Variants in FLG observed in about 807,000 individuals in gnomAD.
FLG encodes filaggrin.
Under a neutral mutation model 3.8 loss-of-function variants are expected in FLG, and 6 were observed. That is an observed-to-expected ratio of 1.60 (90% confidence interval 0.87 to 3.15). The LOEUF is 3.15. FLG is among the 30% of genes most tolerant of loss of function. The pLI is 0.00. For synonymous variants in FLG, 2,551 were observed against 1,931.6 expected (o/e 1.32, Z -8.41); for missense variants, 7,595 against 5,050.9 (o/e 1.50, Z -15.27).
rs753010413 is a variant in FLG at position 152,313,761 on chromosome 1, C to G, written c.1125G>C (p.Gln375His). 1.2e-6 allele frequency: 2 copies of G among 1,614,064 alleles called. No homozygotes were observed. The highest frequency in any genetic ancestry group is 1.1e-5 in the South Asian group (1 of 91,082). The change falls in exon 3 of 3, where the codon CAG (glutamine) becomes CAC (histidine). Residue 375 changes from glutamine (Q) to histidine (H), a missense_variant. Transcript: ENST00000368799. ...SRGQTASSHE[Q>H]ARSSPGERHG... Reference sequence around the variant, plus strand: ...GTCTTTCTCCTGGACTTGATCTTGCCTGTTCATGGGATGATGCAGTCTGTC... The same window carrying G: ...GTCTTTCTCCTGGACTTGATCTTGCGTGTTCATGGGATGATGCAGTCTGTC...
At position 152,305,697 on chromosome 1, in the gene FLG, G is replaced by A; in HGVS notation, c.9189C>T (p.Leu3063=). The A allele has an allele frequency of 7.4e-7, 1 of 1,344,364 alleles. No homozygotes were observed. The highest frequency in any genetic ancestry group is 9.9e-7 in the Non-Finnish European group (1 of 1,009,074). The allele number at this position is 1,344,364 out of a possible 1,614,324, so 83.3% of individuals were successfully genotyped here. The change falls in exon 3 of 3, where the codon CTC becomes CTT. Residue 3063 remains leucine (L), a synonymous_variant. Coordinates refer to ENST00000368799, the MANE Select transcript of FLG (RefSeq NM_002016.2). ...ACTGTTCATGAGTGCTCACCTGGTA[G>A]AGGAAAGATCCTGAATGTCCAGACG... ...GETSGHSGSF[L]YQVSTHEQSE...
In FLG at chr1:152,305,570, C is replaced by A; in HGVS notation, c.9316G>T (p.Gly3106Cys). The change falls in exon 3 of 3, where the codon GGT (glycine) becomes TGT (cysteine). Residue 3106 changes from glycine (G) to cysteine (C), a missense_variant. By Grantham distance (159) the Gly-to-Cys change is radical (BLOSUM62 -3). Coordinates refer to ENST00000368799, the MANE Select transcript of FLG (RefSeq NM_002016.2). The part of the protein sequence containing the change: ...DSSRHSASQY[G>C]QDTIRGHPGS... ...GGGTGTCCACGAATGGTGTCCTGAC[C>A]GTATTGGGATGCTGAGTGCCTGGAG... 5 of 1,507,818 alleles carry A rather than the reference C, an allele frequency of 3.3e-6. No individual in the cohort carries two copies. Among genetic ancestry groups the A allele is most frequent in the Non-Finnish European group, 4.4e-6 (5 of 1,133,396 alleles). 93.4% of individuals were successfully genotyped at this position (1,507,818 alleles called of 1,614,324 possible). A position where few individuals can be genotyped will look rare whatever the true frequency, so the allele number is the denominator to read the frequency against.
rs1238072637 is a variant in FLG, at chr1:152,311,421, G to A, written c.3465C>T (p.His1155=). 3.7e-6 allele frequency: 6 copies of A among 1,613,914 alleles called. No homozygotes were observed. The highest frequency in any genetic ancestry group is 2.2e-5 in the South Asian group (2 of 91,068). ...HHEQARDSSR[H]SASQEGQDTI... ...TGTCCTGACCCTCTTGGGACGCTGA[G>A]TGCCTGGAGCTGTCTCGTGCCTGCT... The change falls in exon 3 of 3, where the codon CAC becomes CAT. Residue 1155 remains histidine (H), a synonymous_variant. Transcript: ENST00000368799.
In FLG at chr1:152,313,598, C is replaced by G; in HGVS notation, c.1288G>C (p.Glu430Gln). ...GACACTGATTGTGTGTCTGAGTTTT[C>G]TGAATGTCCCTCACTGTCACTGGCC... ...SQASDSEGHS[E>Q]NSDTQSVSGH... The change falls in exon 3 of 3, where the codon GAA becomes CAA. Residue 430 changes from glutamate (E) to glutamine (Q), a missense_variant. Physicochemically the swap from Glu to Gln is conservative, Grantham distance 29 (BLOSUM62 2). Transcript: ENST00000368799. The G allele has an allele frequency of 3.1e-6, 5 of 1,614,090 alleles. No individual in the cohort carries two copies. Among genetic ancestry groups the G allele is most frequent in the Non-Finnish European group, 4.2e-6 (5 of 1,180,026 alleles).
Position 152,309,631 on chromosome 1 carries a change from C to G in FLG, c.5255G>C (p.Arg1752Pro). Residue 1752 changes from arginine (R) to proline (P), a missense_variant, in exon 3 of 3, where the codon CGT (arginine) becomes CCT (proline). Arg to Pro is a moderately radical substitution (Grantham distance 103). Transcript: ENST00000368799. ...TCCAGACCTTTCCCCTGACTGGCCA[C>G]GTGTGGACTCTTGGTGGCTCTGCTG... ...PHQQSHQEST[R>P]GQSGERSGRS... 2 of 1,613,982 alleles carry G rather than the reference C, an allele frequency of 1.2e-6. No homozygotes were observed. Among genetic ancestry groups the G allele is most frequent in the Admixed American group, 3.3e-5 (2 of 60,002 alleles).
Position 152,303,155 on chromosome 1 carries a change from T to A in FLG, c.11731A>T (p.Ser3911Cys). The A allele has an allele frequency of 1.2e-6, 2 of 1,614,182 alleles. No homozygotes were observed. The highest frequency in any genetic ancestry group is 3.3e-4 in the Middle Eastern group (2 of 6,062). Residue 3911 changes from serine to cysteine, a missense_variant, in exon 3 of 3, where the codon AGT becomes TGT. Coordinates refer to ENST00000368799, the MANE Select transcript of FLG (RefSeq NM_002016.2). ...TGTACAGGTGAAGACTGTACATGAC[T>A]GGCTGTATCGCGGTGAGAGGATCCG... is the stretch of plus-strand genomic sequence containing the variant. The part of the protein sequence containing the change: ...HPGSSHRDTA[S>C]HVQSSPVQSD...
Position 152,304,222 on chromosome 1 carries a change from C to G in FLG, c.10664G>C (p.Trp3555Ser). The change falls in exon 3 of 3, where the codon TGG becomes TCG. Residue 3555 changes from tryptophan (W) to serine (S), a missense_variant. Trp to Ser is a radical substitution (Grantham distance 177). Coordinates refer to ENST00000368799, the MANE Select transcript of FLG (RefSeq NM_002016.2). ...ATGGTTTCTGGAAGCAGACCCAGAC[C>G]ACCTCTCAGAGTCTTCTGAGTGTCC... Reference protein sequence around the residue: ...SQGHSEDSERWSGSASRNHRG... With the variant: ...SQGHSEDSERSSGSASRNHRG... The G allele has an allele frequency of 6.2e-7, 1 of 1,612,080 alleles. No homozygotes were observed. Among genetic ancestry groups the G allele is most frequent in the Non-Finnish European group, 8.5e-7 (1 of 1,179,664 alleles).
rs1256381901 is a variant in FLG at position 152,302,482 on chromosome 1, G to A, written c.*218C>T. On this transcript the variant is annotated 3_prime_UTR_variant, in exon 3 of 3. Coordinates refer to ENST00000368799, the MANE Select transcript of FLG (RefSeq NM_002016.2). ...TAGTTTTCTAAAGTTAGCTCTCCAT[G>A]ATATTGATTTCTTCCATTTAATATT... is the stretch of plus-strand genomic sequence containing the variant. 2 of 605,710 alleles carry A rather than the reference G, an allele frequency of 3.3e-6. No homozygotes were observed. Among genetic ancestry groups the A allele is most frequent in the Non-Finnish European group, 5.6e-6 (2 of 357,174 alleles). 37.5% of individuals were successfully genotyped at this position (605,710 alleles called of 1,614,324 possible). A position where few individuals can be genotyped will look rare whatever the true frequency, so the allele number is the denominator to read the frequency against.
At position 152,305,500 on chromosome 1, in the gene FLG, G is replaced by A. The variant is rs756193138; in HGVS notation, c.9386C>T (p.Ser3129Leu). The change falls in exon 3 of 3, where the codon TCG becomes TTG. Residue 3129 changes from serine (S) to leucine (L), a missense_variant. Transcript: ENST00000368799. ...GGRQGYHHEH[S>L]VDSSGHSGSH... Reference sequence around the variant, plus strand: ...CCCTGAGTGTCCAGAGCTATCTACCGAATGCTCGTGGTGGTACCCCTGCCT... The same window carrying A: ...CCCTGAGTGTCCAGAGCTATCTACCAAATGCTCGTGGTGGTACCCCTGCCT... The A allele has an allele frequency of 2.1e-5, 33 of 1,569,892 alleles. 1 individual carries two copies. The highest frequency in any genetic ancestry group is 5.4e-5 in the Admixed American group (3 of 55,238).
At position 152,314,169 on chromosome 1, in the gene FLG, G is replaced by A; in HGVS notation, c.717C>T (p.Ile239=). The change falls in exon 3 of 3, where the codon ATC becomes ATT. Residue 239 remains isoleucine (I), a synonymous_variant. Coordinates refer to ENST00000368799, the MANE Select transcript of FLG (RefSeq NM_002016.2). ...QSGHIATYYT[I]QDEAYDTTDS... is the part of the protein sequence containing the mutation. ...CAGTGGTGTCATAGGCTTCATCCTG[G>A]ATTGTGTAATATGTGGCAATATGGC... 3.7e-6 allele frequency: 6 copies of A among 1,614,092 alleles called. No individual in the cohort carries two copies. Among genetic ancestry groups the A allele is most frequent in the Non-Finnish European group, 5.1e-6 (6 of 1,180,018 alleles).
rs755582714 is a variant in FLG at position 152,312,834 on chromosome 1, G to T, written c.2052C>A (p.His684Gln). ...CCTGTCCACTAGAGGAATTCTGTGTGTGACGAGTGCCTGATTTTCTGGAGC... is the reference window on the plus strand; with the variant it reads ...CCTGTCCACTAGAGGAATTCTGTGTTTGACGAGTGCCTGATTTTCTGGAGC... ...ADSSRKSGTR[H>Q]TQNSSSGQAA... Residue 684 changes from histidine to glutamine, a missense_variant, in exon 3 of 3, where the codon CAC becomes CAA. By Grantham distance (24) the His-to-Gln change is conservative (BLOSUM62 0). Coordinates refer to ENST00000368799, the MANE Select transcript of FLG (RefSeq NM_002016.2). 10 of 1,614,088 alleles carry T rather than the reference G, an allele frequency of 6.2e-6. No individual in the cohort carries two copies. The South Asian group carries it at 9.9e-5, about 16-fold the overall frequency.
Position 152,308,373 on chromosome 1 carries a change from G to T in FLG, c.6513C>A (p.Thr2171=), listed in dbSNP as rs1570903024. The T allele has an allele frequency of 6.2e-7, 1 of 1,613,430 alleles. No individual in the cohort carries two copies. The change falls in exon 3 of 3, where the codon ACC becomes ACA. Residue 2171 remains threonine (T), a synonymous_variant. Coordinates refer to ENST00000368799, the MANE Select transcript of FLG (RefSeq NM_002016.2). ...SGHSGSHHSH[T]TSQGRSDASR... ...AGGCATCAGACCTTCCCTGGGATGT[G>T]GTGTGGCTGTGATGAGACCCTGAGT...
Position 152,306,084 on chromosome 1 carries a change from T to G in FLG, c.8802A>C (p.Gln2934His), listed in dbSNP as rs368566122. 289 of 1,597,518 alleles carry G rather than the reference T, an allele frequency of 1.8e-4. No individual in the cohort carries two copies. In the East Asian group the frequency reaches 2.1e-3, roughly 12 times the overall value. The change falls in exon 3 of 3, where the codon CAA (glutamine) becomes CAC (histidine). Residue 2934 changes from glutamine to histidine, a missense_variant. Transcript: ENST00000368799. ...AGTGCCCATGACCAGCTCTGTCTTC[T>G]TGATGGGACCTGGGGTGTCTGGAGC... ...RDGSRHPRSH[Q>H]EDRAGHGHSA...
At chr1:152,321,459 A>C (rs1162389195) in intron 1 of FLG, among the ~76,000 whole-genome samples, 1 of 151,150 alleles carries the variant, frequency 6.6e-6, no homozygotes, top group Non-Finnish European at 1.5e-5. Context: ...GTAAGTACCA[A>C]TATCAGGAAA....
Position 152,303,282 on chromosome 1 carries a change from G to A in FLG, c.11604C>T (p.Asp3868=). Residue 3868 remains aspartate, a synonymous_variant, in exon 3 of 3, where the codon GAC becomes GAT. Transcript: ENST00000368799. Reference sequence around the variant, plus strand: ...CAGAGTCCTCTGGGTATGCCTCACTGTCACTGTCCTGGCTAACACTGGATC... The same window carrying A: ...CAGAGTCCTCTGGGTATGCCTCACTATCACTGTCCTGGCTAACACTGGATC... ...RQGSSVSQDS[D]SEAYPEDSER... is the part of the protein sequence containing the mutation. 6.2e-7 allele frequency: 1 copy of A among 1,614,084 alleles called. No individual in the cohort carries two copies. Among genetic ancestry groups the A allele is most frequent in the Non-Finnish European group, 8.5e-7 (1 of 1,180,024 alleles).
rs773853684 is a variant in FLG, at chr1:152,304,756, C to T, written c.10130G>A (p.Gly3377Glu). The change falls in exon 3 of 3, where the codon GGG becomes GAG. Residue 3377 changes from glycine to glutamate, a missense_variant. Physicochemically the swap from Gly to Glu is moderately conservative, Grantham distance 98. Coordinates refer to ENST00000368799, the MANE Select transcript of FLG (RefSeq NM_002016.2). ...AGACCCTGAACGTCCAGACCTTCCC[C>T]CTGACCGGTCACGTGCGGACTCTTG... The part of the protein sequence containing the change: ...SHQESARDRS[G>E]GRSGRSGSFL... 4.3e-6 allele frequency: 7 copies of T among 1,613,468 alleles called. No individual in the cohort carries two copies. The highest frequency in any genetic ancestry group is 5.9e-6 in the Non-Finnish European group (7 of 1,179,904).
chr1:152,310,327 C>T lies in FLG; in HGVS notation c.4559G>A (p.Ser1520Asn), dbSNP rs752267105. The change falls in exon 3 of 3, where the codon AGC becomes AAC. Residue 1520 changes from serine (S) to asparagine (N), a missense_variant. Transcript: ENST00000368799. ...AGACCTTCCCTGGGGTGTGGTGTGG[C>T]TGTGATGGTACCCTGAGTGTCCAGA... ...DRSGHSGYHHSHTTPQGRSDA... is the reference protein window; with the variant it reads ...DRSGHSGYHHNHTTPQGRSDA... The T allele has an allele frequency of 1.2e-6, 2 of 1,613,818 alleles. No individual in the cohort carries two copies. Among genetic ancestry groups the T allele is most frequent in the Admixed American group, 3.3e-5 (2 of 59,980 alleles).
Position 152,309,977 on chromosome 1 carries a change from G to T in FLG, c.4909C>A (p.Gln1637Lys). ...RHGSRNPRSH[Q>K]EDRASHGHSA... ...TGCCCATGACTGGCTCTATCTTCTT[G>T]ATGGGACCTGGGGTTCCTGGAGCCA... is the stretch of plus-strand genomic sequence containing the variant. The change falls in exon 3 of 3, where the codon CAA becomes AAA. Residue 1637 changes from glutamine to lysine, a missense_variant. Coordinates refer to ENST00000368799, the MANE Select transcript of FLG (RefSeq NM_002016.2). The T allele has an allele frequency of 6.2e-7, 1 of 1,614,018 alleles. No homozygotes were observed. The highest frequency in any genetic ancestry group is 8.5e-7 in the Non-Finnish European group (1 of 1,180,002).
rs375135803 is a variant in FLG at position 152,311,929 on chromosome 1, C to A, written c.2957G>T (p.Arg986Met). The change falls in exon 3 of 3, where the codon AGG becomes ATG. Residue 986 changes from arginine (R) to methionine (M), a missense_variant. Physicochemically the swap from Arg to Met is moderately conservative, Grantham distance 91. Coordinates refer to ENST00000368799, the MANE Select transcript of FLG (RefSeq NM_002016.2). ...EQSRHGSRHP[R>M]SHHEDRAGHG... The stretch of plus-strand genomic sequence containing the variant: ...ACCGGCTCTGTCTTCGTGATGGGAC[C>A]TGGGGTGTCTGGAGCCATGTCTTGA... 2 of 1,614,002 alleles carry A rather than the reference C, an allele frequency of 1.2e-6. No individual in the cohort carries two copies. The highest frequency in any genetic ancestry group is 1.7e-5 in the Admixed American group (1 of 59,994).
Sources: gnomAD v4.1 joint callset for allele counts (sites outside exome capture counted in the v4.1 genomes callset) on GRCh38, gnomAD v4.1.1 for gene constraint, MANE v1.5 for transcripts, NCBI Gene and HGNC (gene_info 2026-07-23, HGNC 2026-07-21) for gene names.